The following AOPEP variants were observed in gnomAD, a reference collection of about 807,000 sequenced individuals.
AOPEP encodes the protein aminopeptidase O.
In AOPEP, 77 loss-of-function variants were observed where a neutral mutation model predicts 98.1. The observed-to-expected ratio is 0.78, with a 90% CI of 0.65 to 0.95. AOPEP has a LOEUF of 0.95. Ranked by LOEUF, AOPEP falls within the 40% of genes least tolerant of loss-of-function variation. The pLI, the probability that AOPEP is intolerant of heterozygous loss-of-function variation, is 0.00. For synonymous variants in AOPEP, 346 were observed against 365.3 expected (o/e 0.95, Z 0.60); for missense variants, 1,024 against 1,024.7 (o/e 1.00, Z 0.01).
In AOPEP at chr9:94,760,460, G is replaced by A. The variant is rs775605570; in HGVS notation, c.677G>A (p.Ser226Asn). 5.0e-6 allele frequency: 8 copies of A among 1,613,694 alleles called. No homozygotes were observed. Among genetic ancestry groups the A allele is most frequent in the Non-Finnish European group, 6.8e-6 (8 of 1,179,852 alleles). ...GELLFDTDTW[S>N]LQIRKTGAQT... Reference sequence around the variant, plus strand: ...CTCCTCTTTGACACTGACACTTGGAGCTTGCAGATAAGGAAGACAGGGGCT... The same window carrying A: ...CTCCTCTTTGACACTGACACTTGGAACTTGCAGATAAGGAAGACAGGGGCT... The change falls in exon 2 of 17, where the codon AGC becomes AAC. Residue 226 changes from serine (S) to asparagine (N), a missense_variant. By Grantham distance (46) the Ser-to-Asn change is conservative (BLOSUM62 1). This residue lies in a region of AOPEP where 440 missense variants were observed against 433.8 expected (regional missense o/e 1.01). Transcript: ENST00000375315.
chr9:94,944,847 A>C (rs2057436284), intron 7 of AOPEP, among the ~76,000 whole-genome samples: 1 of 152,006 alleles, frequency 6.6e-6, no homozygotes, highest in Non-Finnish European at 1.5e-5. Context: ...CTTATGTGCA[A>C]CTCATAAGGT....
intron 5 of AOPEP, among the ~76,000 whole-genome samples, chr9:94,841,931 T>G (rs544606094): frequency 2.8e-4 from 42 of 152,238 alleles, no homozygotes; most frequent in African/African-American, 9.9e-4. Context: ...CACATGCCTG[T>G]GGTCCCAGCT....
chr9:95,005,348 C>T, intron 12 of AOPEP, 128 bp downstream of exon 12: 1 of 726,600 alleles, frequency 1.4e-6, no homozygotes, highest in Non-Finnish European at 1.9e-6. Context: ...GGCTCGGGCG[C>T]GGGGAGCGGC....
At chr9:95,085,152 G>A (rs1439547958) in intron 16 of AOPEP, 7 of 436,498 alleles carry the variant, frequency 1.6e-5, no homozygotes, top group South Asian at 3.3e-5. Context: ...CGGCAGTGTC[G>A]CCGGCGTCCT....
At chr9:94,831,770 C>G (rs907687664) in intron 5 of AOPEP, among the ~76,000 whole-genome samples, 2 of 151,442 alleles carry the variant, frequency 1.3e-5, no homozygotes, top group Non-Finnish European at 2.9e-5. Flanking sequence ...AACTCTTATT[C>G]CCAAGTGCTA....
chr9:94,852,399 G>A (rs2043663178), intron 5 of AOPEP, among the ~76,000 whole-genome samples: 1 of 152,210 alleles, frequency 6.6e-6, no homozygotes, highest in Non-Finnish European at 1.5e-5. Context: ...GACTTGAGAT[G>A]TTGAGGAGAG....
At chr9:94,727,048 C>T (rs979784935) in intron 1 of AOPEP, among the ~76,000 whole-genome samples, 5 of 152,234 alleles carry the variant, frequency 3.3e-5, no homozygotes, top group African/African-American at 1.2e-4. Flanking sequence ...TGGGTGCCTC[C>T]TCCTTCGTCT....
intron 11 of AOPEP, among the ~76,000 whole-genome samples, chr9:95,002,214 T>C (rs559039056): frequency 6.6e-6 from 1 of 152,312 alleles, no homozygotes; most frequent in Non-Finnish European, 1.5e-5. Flanking sequence ...AGATATTCAT[T>C]TTAAGACTTC....
rs572015734 is a variant in AOPEP at position 94,963,379 on chromosome 9, A to G, written c.1873-4379A>G. On this transcript the variant is annotated intron_variant, in intron 9 of 16. Coordinates refer to ENST00000375315, the MANE Select transcript of AOPEP (RefSeq NM_001193329.3). ...TGCCAAAATCAGTGTTAGTTTTTCA[A>G]AAATGTGTAGTGTTTAATTTAGTGT... Among the ~76,000 whole-genome samples, 25 of 152,316 alleles carry G rather than the reference A, an allele frequency of 1.6e-4. No individual in the cohort carries two copies. In the South Asian group the frequency reaches 4.1e-3, roughly 25 times the overall value.
intron 5 of AOPEP, among the ~76,000 whole-genome samples, chr9:94,881,793 T>A (rs952039807): frequency 6.6e-6 from 1 of 152,202 alleles, no homozygotes; most frequent in African/African-American, 2.4e-5. Context: ...GACCAGTCAA[T>A]TTTTTTGTGT....
intron 13 of AOPEP, among the ~76,000 whole-genome samples, chr9:95,037,001 T>G (rs1250081881): frequency 1.3e-5 from 2 of 152,218 alleles, no homozygotes; most frequent in African/African-American, 4.8e-5. Context: ...TGGTAACATC[T>G]CTGTGTACTT....
intron 7 of AOPEP, among the ~76,000 whole-genome samples, chr9:94,929,849 G>T (rs2055007042): frequency 6.6e-6 from 1 of 152,230 alleles, no homozygotes; most frequent in African/African-American, 2.4e-5. Context: ...AAGGAGGTGG[G>T]GAATTTCTCT....
intron 5 of AOPEP, chr9:94,824,255 G>A (rs552512856): frequency 6.6e-6 from 1 of 152,318 alleles, no homozygotes; most frequent in East Asian, 1.9e-4. Context: ...TTAGTCTTTA[G>A]TTTTGCTTCT....
At chr9:94,789,313 A>G (rs1845130114) in intron 3 of AOPEP, among the ~76,000 whole-genome samples, 1 of 152,184 alleles carries the variant, frequency 6.6e-6, no homozygotes, top group South Asian at 2.1e-4. Flanking sequence ...TGAAAGCCTC[A>G]CCATTGCTGC....
At chr9:94,894,877 G>T (rs986945821) in intron 5 of AOPEP, among the ~76,000 whole-genome samples, 5 of 152,132 alleles carry the variant, frequency 3.3e-5, no homozygotes, top group African/African-American at 1.2e-4. Flanking sequence ...TGTAAGGATG[G>T]TTCCATCTTA....
intron 5 of AOPEP, among the ~76,000 whole-genome samples, chr9:94,865,904 G>A (rs138315971): frequency 2.7e-3 from 406 of 152,272 alleles, no homozygotes; most frequent in African/African-American, 9.4e-3. Context: ...ATAGCAGAAA[G>A]CAGCAGACCC....
At chr9:94,758,476 A>G (rs1241138089) in intron 1 of AOPEP, among the ~76,000 whole-genome samples, 5 of 152,214 alleles carry the variant, frequency 3.3e-5, no homozygotes, top group Non-Finnish European at 5.9e-5. Context: ...TTCTAGAAGG[A>G]AAGGAAATAA....
chr9:95,023,815 A>G (rs1013449695), intron 13 of AOPEP, among the ~76,000 whole-genome samples: 3 of 152,236 alleles, frequency 2.0e-5, no homozygotes, highest in Non-Finnish European at 2.9e-5. Flanking sequence ...ACTTAGTCAC[A>G]GAAGAAATGG....
chr9:94,928,471 T>C lies in AOPEP; in HGVS notation c.1601T>C (p.Leu534Pro). 1 of 1,550,266 alleles carries C rather than the reference T, an allele frequency of 6.5e-7. No individual in the cohort carries two copies. Among genetic ancestry groups the C allele is most frequent in the Non-Finnish European group, 8.7e-7 (1 of 1,147,000 alleles). ...AREQQELRAC[L>P]RWRRLQDEMQ... is the part of the protein sequence containing the mutation. The stretch of plus-strand genomic sequence containing the variant: ...GAGCAGCAGGAGCTGAGGGCTTGTC[T>C]GCGCTGGCGTCGCCTCCAGGACGAG... Residue 534 changes from leucine (L) to proline (P), a missense_variant, in exon 7 of 17, where the codon CTG (leucine) becomes CCG (proline). Leu to Pro is a moderately conservative substitution (Grantham distance 98). This residue lies in a region of AOPEP where 566 missense variants were observed against 551.7 expected (regional missense o/e 1.03). Transcript: ENST00000375315.
Sources: allele counts gnomAD v4.1 joint callset (sites outside exome capture counted in the v4.1 genomes callset), GRCh38; gene constraint gnomAD v4.1.1; regional missense constraint gnomAD v4.1.1; transcripts MANE v1.5; gene names NCBI Gene and HGNC (gene_info 2026-07-23, HGNC 2026-07-21).